Variants in USP37 observed in about 807,000 individuals in gnomAD.
USP37 encodes the protein ubiquitin specific peptidase 37.
Under a neutral mutation model 124.0 loss-of-function variants are expected in USP37, and 27 were observed. The observed-to-expected ratio is 0.22, with a 90% CI of 0.16 to 0.30. The LOEUF (loss-of-function observed/expected upper bound fraction) is 0.30, where lower values mean the gene tolerates loss of function less well. Among genes scored for constraint, USP37 ranks in the 10% least tolerant of loss-of-function variants. USP37 has a pLI of 1.00. For synonymous variants in USP37, 365 were observed against 388.0 expected (o/e 0.94, Z 0.70); for missense variants, 889 against 1,140.4 (o/e 0.78, Z 3.17).
chr2:218,550,677 G>C (rs2106049117), intron 5 of USP37, among the ~76,000 whole-genome samples: 1 of 150,728 alleles, frequency 6.6e-6, no homozygotes, highest in East Asian at 1.9e-4. Flanking sequence ...AAGTATATGA[G>C]AGTATCTTGC....
In USP37 at chr2:218,513,340, T is replaced by C. The variant is rs571745967; in HGVS notation, c.864-3200A>G. ...GCCAACCATGCCCAGTCTAGAAATT[T>C]AATGGATGTCCTAAAAATTATATTA... On this transcript the variant is annotated intron_variant, in intron 10 of 25. Coordinates refer to ENST00000258399, the MANE Select transcript of USP37 (RefSeq NM_020935.3). 5.9e-5 allele frequency among the ~76,000 whole-genome samples: 9 copies of C among 152,308 alleles called. No individual in the cohort carries two copies. The South Asian group carries it at 1.2e-3, about 21-fold the overall frequency.
chr2:218,545,675 T>C (rs1276305979), intron 8 of USP37, among the ~76,000 whole-genome samples: 2 of 150,376 alleles, frequency 1.3e-5, no homozygotes, highest in African/African-American at 5.0e-5. Flanking sequence ...TTTTCTCCCC[T>C]AGAAGACAAA....
intron 14 of USP37, among the ~76,000 whole-genome samples, chr2:218,488,826 G>T (rs1257673654): frequency 6.6e-6 from 1 of 151,530 alleles, no homozygotes; most frequent in Non-Finnish European, 1.5e-5. Flanking sequence ...GTAGAGACGG[G>T]GTTTCTCCAT....
In USP37 at chr2:218,474,676, A is replaced by G; in HGVS notation, c.2253T>C (p.Asn751=). 1 of 1,614,090 alleles carries G rather than the reference A, an allele frequency of 6.2e-7. No homozygotes were observed. The change falls in exon 20 of 26, where the codon AAT becomes AAC. Residue 751 remains asparagine, a synonymous_variant. Coordinates refer to ENST00000258399, the MANE Select transcript of USP37 (RefSeq NM_020935.3). The part of the protein sequence containing the change: ...AEDDIQEMPE[N]PDTMETEKPK... Reference sequence around the variant, plus strand: ...GCTTCTCAGTTTCCATAGTGTCTGGATTTTCTGGCATTTCTTGAATATCAT... The same window carrying G: ...GCTTCTCAGTTTCCATAGTGTCTGGGTTTTCTGGCATTTCTTGAATATCAT...
chr2:218,465,504 G>A (rs1245914677), intron 21 of USP37, among the ~76,000 whole-genome samples: 3 of 152,168 alleles, frequency 2.0e-5, no homozygotes, highest in Non-Finnish European at 1.5e-5. Context: ...GTTTTAGCAA[G>A]CAATGAATTA....
At chr2:218,535,017 CA>C (rs907837020) in intron 8 of USP37, among the ~76,000 whole-genome samples, 3 of 151,982 alleles carry the variant, frequency 2.0e-5, no homozygotes, top group African/African-American at 7.3e-5. Flanking sequence ...TTTTCTTGGC[CA>C]AAAGCAAGAC....
At chr2:218,520,097 C>T (rs904743364) in intron 10 of USP37, among the ~76,000 whole-genome samples, 7 of 151,434 alleles carry the variant, frequency 4.6e-5, no homozygotes, top group African/African-American at 1.5e-4. Context: ...GCCACCATGC[C>T]TGCCTAATTT....
intron 14 of USP37, among the ~76,000 whole-genome samples, chr2:218,495,515 G>A (rs756112278): frequency 2.0e-5 from 3 of 152,134 alleles, no homozygotes; most frequent in Non-Finnish European, 2.9e-5. Flanking sequence ...CCCCTATGAC[G>A]TAGAAAGGAA....
chr2:218,530,265 G>A (rs1245950880), intron 9 of USP37, among the ~76,000 whole-genome samples: 1 of 151,970 alleles, frequency 6.6e-6, no homozygotes, highest in African/African-American at 2.4e-5. Flanking sequence ...TGGCAACCCT[G>A]CACCAAGCAA....
intron 11 of USP37, 140 bp from the exon 12 acceptor site, chr2:218,498,297 G>C: frequency 1.2e-6 from 1 of 817,346 alleles, no homozygotes; most frequent in Non-Finnish European, 1.7e-6. Flanking sequence ...CTAACCCCAA[G>C]GTTTCTGATT....
intron 11 of USP37, among the ~76,000 whole-genome samples, chr2:218,500,210 G>C (rs1173583272): frequency 6.6e-6 from 1 of 151,874 alleles, no homozygotes; most frequent in East Asian, 1.9e-4. Flanking sequence ...AAATAACTAG[G>C]GTGACAGGCG....
intron 11 of USP37, among the ~76,000 whole-genome samples, chr2:218,508,275 T>TC (rs200202113): frequency 1.3e-5 from 2 of 151,912 alleles, no homozygotes; most frequent in African/African-American, 4.8e-5. Context: ...CAGTTTTTTT[T>TC]TCTTTTTTTT....
At chr2:218,512,463 A>G (rs1469888395) in intron 10 of USP37, among the ~76,000 whole-genome samples, 2 of 152,094 alleles carry the variant, frequency 1.3e-5, no homozygotes, top group Non-Finnish European at 2.9e-5. Context: ...AGCTGAGATC[A>G]TGCCACTGCA....
intron 14 of USP37, among the ~76,000 whole-genome samples, chr2:218,492,751 A>C (rs552765447): frequency 2.6e-5 from 4 of 152,332 alleles, no homozygotes; most frequent in African/African-American, 7.2e-5. Context: ...TTACGCCTGT[A>C]AACTCCAGCA....
chr2:218,514,668 T>C (rs769903003), intron 10 of USP37, among the ~76,000 whole-genome samples: 3 of 152,236 alleles, frequency 2.0e-5, no homozygotes, highest in African/African-American at 4.8e-5. Context: ...GAGATACTTT[T>C]GAGACTATGC....
chr2:218,480,405 A>G (rs1039804705), intron 17 of USP37, among the ~76,000 whole-genome samples: 13 of 146,670 alleles, frequency 8.9e-5, no homozygotes, highest in African/African-American at 2.9e-4. Context: ...TCTCAAAAAA[A>G]AAAAAAAAAA....
At chr2:218,459,930 T>TATAA in intron 22 of USP37, 25 bp from the exon 23 acceptor site, 1 of 1,586,076 alleles carries the variant, frequency 6.3e-7, no homozygotes, top group Non-Finnish European at 8.6e-7. Flanking sequence ...GACAAAATCT[T>TATAA]ATAAAAGTTC....
intron 19 of USP37, 45 bp downstream of exon 19, chr2:218,476,795 A>G: frequency 6.4e-7 from 1 of 1,570,286 alleles, no homozygotes; most frequent in Non-Finnish European, 8.6e-7. Context: ...GGACAGTAAG[A>G]GATAAACAAA....
chr2:218,468,195 A>C (rs1414307616), intron 20 of USP37, among the ~76,000 whole-genome samples: 4 of 151,372 alleles, frequency 2.6e-5, no homozygotes, highest in Non-Finnish European at 5.9e-5. Context: ...CGGCAATTTC[A>C]TAATTTTTGT....
Sources: gnomAD v4.1 joint callset for allele counts (sites outside exome capture counted in the v4.1 genomes callset) on GRCh38, gnomAD v4.1.1 for gene constraint, MANE v1.5 for transcripts, NCBI Gene and HGNC (gene_info 2026-07-23, HGNC 2026-07-21) for gene names.